Variants in VWF observed in about 807,000 individuals in gnomAD.
VWF encodes von Willebrand factor, also known as Factor VIII related antigen.
A neutral mutation model predicts 308.6 loss-of-function variants in VWF; 176 were observed. That is an observed-to-expected ratio of 0.57 (90% confidence interval 0.50 to 0.65). The LOEUF (loss-of-function observed/expected upper bound fraction) is 0.65. VWF is among the 30% of genes least tolerant of loss of function. VWF has a pLI of 0.00. For missense variants in VWF, 3,146 were observed against 3,648.2 expected, an observed-to-expected ratio of 0.86 and a Z score of 3.55; for synonymous variants, 1,385 against 1,443.4, an observed-to-expected ratio of 0.96 and a Z score of 0.92.
At chr12:6,112,935 G>C (rs1189054237) in intron 3 of VWF, among the ~76,000 whole-genome samples, 1 of 152,002 alleles carries the variant, frequency 6.6e-6, no homozygotes, top group Non-Finnish European at 1.5e-5. Context: ...ATGAGCTACA[G>C]AATAGACTTG....
chr12:5,999,471 T>TACACACAC (rs3062521), intron 34 of VWF, among the ~76,000 whole-genome samples: 10,568 of 143,546 alleles, frequency 0.074, 479 homozygotes, highest in East Asian at 0.19. Flanking sequence ...TGTACACACA[T>TACACACAC]ACACACACAC....
At position 6,073,659 on chromosome 12, in the gene VWF, T is replaced by C; in HGVS notation, c.957A>G (p.Glu319=). Residue 319 remains glutamate, a synonymous_variant, in exon 8 of 52, where the codon GAA becomes GAG. Coordinates refer to ENST00000261405, the MANE Select transcript of VWF (RefSeq NM_000552.5). The stretch of plus-strand genomic sequence containing the variant: ...CATCCACGCATCGCTCCTGACACAT[T>C]TCATTGATGTGCAGGCTCTGGCAGG... The part of the protein sequence containing the change: ...ARTCQSLHIN[E]MCQERCVDGC... 1 of 1,614,066 alleles carries C rather than the reference T, an allele frequency of 6.2e-7. No homozygotes were observed. The highest frequency in any genetic ancestry group is 2.2e-5 in the East Asian group (1 of 44,874).
rs770393347 is a variant in VWF at position 5,992,042 on chromosome 12, T to C, written c.6599-24A>G. ...AGCTGTAGACAGAGAAGGAGGTCAC[T>C]TGCAAAGGCCCACACCAGCCAGAGT... On this transcript the variant is annotated intron_variant, in intron 37 of 51. Coordinates refer to ENST00000261405, the MANE Select transcript of VWF (RefSeq NM_000552.5). The C allele has an allele frequency of 3.7e-6, 6 of 1,610,540 alleles. No individual in the cohort carries two copies. The African/African-American group carries it at 8.0e-5, about 21-fold the overall frequency.
rs770740794 is a variant in VWF, at chr12:6,058,091, C to T, written c.1534-47G>A. The T allele has an allele frequency of 1.4e-5, 23 of 1,605,766 alleles. No homozygotes were observed. In the South Asian group the frequency reaches 1.7e-4, roughly 12 times the overall value. ...TCTGGAGCCGCTGCCGCGAAAGCAG[C>T]GGCATAGTTGTTTAGCTAATGAGAT... On this transcript the variant is annotated intron_variant, in intron 13 of 51. Coordinates refer to ENST00000261405, the MANE Select transcript of VWF (RefSeq NM_000552.5). The surrounding 1 kb of genome is among the most constrained non-coding windows in gnomAD (Gnocchi z 4.9).
chr12:6,037,913 TG>T (rs1192298046), intron 18 of VWF, among the ~76,000 whole-genome samples: 2 of 152,126 alleles, frequency 1.3e-5, no homozygotes, highest in Non-Finnish European at 2.9e-5. Flanking sequence ...TTGGGGCGGT[TG>T]GGGGGAGGGA....
chr12:6,102,725 C>T (rs896725009), intron 5 of VWF, among the ~76,000 whole-genome samples: 1 of 144,964 alleles, frequency 6.9e-6, no homozygotes, highest in Admixed American at 6.6e-5. Context: ...CTGAGCGAGA[C>T]TCCGTCTCAA....
intron 5 of VWF, among the ~76,000 whole-genome samples, chr12:6,102,405 G>T (rs1461395708): frequency 6.6e-6 from 1 of 151,274 alleles, no homozygotes; most frequent in East Asian, 1.9e-4. Context: ...TTGCTCTGCT[G>T]CACTCCAGAC....
intron 15 of VWF, among the ~76,000 whole-genome samples, chr12:6,055,435 C>T (rs530678291): frequency 5.3e-5 from 8 of 152,128 alleles, no homozygotes; most frequent in East Asian, 1.9e-4. Flanking sequence ...TGGTACCTCA[C>T]GGGAAAGTTG....
chr12:6,044,851 C>G (rs1481378005), intron 17 of VWF, among the ~76,000 whole-genome samples: 7 of 152,116 alleles, frequency 4.6e-5, no homozygotes, highest in Non-Finnish European at 8.8e-5. Flanking sequence ...TAAATGGTTA[C>G]AACTAATGTG....
At chr12:6,097,177 C>T (rs562760777) in intron 5 of VWF, among the ~76,000 whole-genome samples, 2 of 152,218 alleles carry the variant, frequency 1.3e-5, no homozygotes, top group East Asian at 3.9e-4. Flanking sequence ...GTGGCTGACA[C>T]CTGTAATCCA....
intron 13 of VWF, 88 bp downstream of exon 13, chr12:6,062,866 C>T: frequency 1.8e-6 from 2 of 1,089,256 alleles, no homozygotes; most frequent in South Asian, 1.3e-5. Flanking sequence ...ATTCTTCTCC[C>T]ACCACACAAA....
chr12:6,122,867 T>C (rs1415938156), intron 2 of VWF: 1 of 725,960 alleles, frequency 1.4e-6, no homozygotes, highest in Admixed American at 1.7e-5. Flanking sequence ...CTTGGATTCC[T>C]TCCTCCTCAT....
intron 5 of VWF, among the ~76,000 whole-genome samples, chr12:6,103,422 G>GTATACACGTGTGTA (rs1555075269): frequency 0.032 from 3,619 of 113,942 alleles, 449 homozygotes; most frequent in African/African-American, 0.2. Flanking sequence ...ACACGTGTGT[G>GTATACACGTGTGTA]TATACACACG....
At chr12:6,094,443 C>T (rs1299524372) in intron 6 of VWF, among the ~76,000 whole-genome samples, 2 of 152,128 alleles carry the variant, frequency 1.3e-5, no homozygotes, top group South Asian at 2.1e-4. Context: ...TTTTTTCTAT[C>T]GGTAAAATTT....
intron 5 of VWF, among the ~76,000 whole-genome samples, chr12:6,107,419 A>G (rs1276021722): frequency 6.6e-6 from 1 of 152,242 alleles, no homozygotes; most frequent in Non-Finnish European, 1.5e-5. Flanking sequence ...ATTAACCTCA[A>G]TAAATCTGAC....
intron 3 of VWF, 81 bp from the exon 4 acceptor site, chr12:6,111,049 T>C (rs761046146): frequency 7.5e-7 from 1 of 1,327,856 alleles, no homozygotes; most frequent in Non-Finnish European, 1.1e-6. Context: ...ATTATCTACG[T>C]AACCTTTTCT....
At chr12:6,072,023 T>G (rs1944787404) in intron 9 of VWF, among the ~76,000 whole-genome samples, 1 of 152,152 alleles carries the variant, frequency 6.6e-6, no homozygotes, top group Admixed American at 6.5e-5. Flanking sequence ...ACAGCCCTCC[T>G]CCAGGGGGAA....
At chr12:5,949,285 C>T in intron 51 of VWF, 82 bp from the exon 52 acceptor site, 1 of 1,439,904 alleles carries the variant, frequency 6.9e-7, no homozygotes, top group Middle Eastern at 1.9e-4. Flanking sequence ...AGCCTGCTTT[C>T]TCCCTGACCC....
intron 6 of VWF, among the ~76,000 whole-genome samples, chr12:6,092,620 T>TGAGAGAGAGA (rs1250915385): frequency 2.5e-4 from 22 of 89,696 alleles, no homozygotes; most frequent in African/African-American, 8.9e-4. Context: ...TGAGTGAGAG[T>TGAGAGAGAGA]GTGTGTGTGT....
Sources: gnomAD v4.1 joint callset for allele counts (sites outside exome capture counted in the v4.1 genomes callset) on GRCh38, gnomAD v4.1.1 for gene constraint, Gnocchi (gnomAD v3.1) non-coding constraint, MANE v1.5 for transcripts, NCBI Gene and HGNC (gene_info 2026-07-23, HGNC 2026-07-21) for gene names.